Variants in RYR2 observed in about 807,000 individuals in gnomAD.
RYR2 encodes the protein cardiac muscle ryanodine receptor-calcium release channel.
In RYR2, 227 loss-of-function variants were observed where a neutral mutation model predicts 601.1. The observed-to-expected ratio is 0.38, with a 90% CI of 0.34 to 0.42. The LOEUF is 0.42. RYR2 is among the 10% of genes least tolerant of loss of function. The pLI, the probability that RYR2 is intolerant of heterozygous loss-of-function variation, is 1.00. For synonymous variants in RYR2, 2,223 were observed against 2,175.1 expected (o/e 1.02, Z -0.61); for missense variants, 4,646 against 6,156.5 (o/e 0.75, Z 8.21).
At chr1:237,373,243 G>C (rs1700777790) in intron 6 of RYR2, among the ~76,000 whole-genome samples, 1 of 152,170 alleles carries the variant, frequency 6.6e-6, no homozygotes, top group South Asian at 2.1e-4. Flanking sequence ...AACAAGTTTA[G>C]GGACCCTGGG....
intron 2 of RYR2, among the ~76,000 whole-genome samples, chr1:237,293,255 G>A (rs1692424851): frequency 6.6e-6 from 1 of 152,102 alleles, no homozygotes; most frequent in Admixed American, 6.5e-5. Context: ...TGCCCATGAT[G>A]GAGTGCAGTG....
intron 24 of RYR2, among the ~76,000 whole-genome samples, chr1:237,520,409 T>C (rs1166402221): frequency 6.6e-6 from 1 of 152,196 alleles, no homozygotes; most frequent in Non-Finnish European, 1.5e-5. Context: ...GTTTTCAACT[T>C]TCCCCATTCA....
intron 50 of RYR2, 66 bp downstream of exon 50, chr1:237,650,163 G>C: frequency 7.0e-7 from 1 of 1,420,210 alleles, no homozygotes; most frequent in Non-Finnish European, 9.8e-7. Context: ...TGTGGCCTTT[G>C]ACAAATTATT....
At chr1:237,104,321 G>A (rs1668438097) in intron 1 of RYR2, among the ~76,000 whole-genome samples, 1 of 152,100 alleles carries the variant, frequency 6.6e-6, no homozygotes, top group South Asian at 2.1e-4. Flanking sequence ...GCCCTGCCAA[G>A]GACGTTTCCT....
intron 1 of RYR2, among the ~76,000 whole-genome samples, chr1:237,238,641 G>A (rs1336808320): frequency 2.0e-5 from 3 of 152,144 alleles, no homozygotes; most frequent in East Asian, 1.9e-4. Context: ...ATGAAGAGCC[G>A]TGATGAGGAC....
chr1:237,676,145 G>A (rs908642282), intron 60 of RYR2, among the ~76,000 whole-genome samples: 9 of 152,082 alleles, frequency 5.9e-5, no homozygotes, highest in African/African-American at 9.7e-5. Flanking sequence ...TCCGATATGC[G>A]TAGCAACTCC....
chr1:237,456,017 T>A (rs985211512), intron 15 of RYR2, among the ~76,000 whole-genome samples: 1 of 152,172 alleles, frequency 6.6e-6, no homozygotes, highest in Admixed American at 6.5e-5. Context: ...AAATTCTGTG[T>A]GAAATAAGTT....
chr1:237,141,045 A>G (rs534830461), intron 1 of RYR2, among the ~76,000 whole-genome samples: 1 of 152,364 alleles, frequency 6.6e-6, no homozygotes, highest in South Asian at 2.1e-4. Context: ...TCATTCTGCA[A>G]TGCACAATCT....
At chr1:237,157,061 C>T (rs1463007535) in intron 1 of RYR2, among the ~76,000 whole-genome samples, 2 of 151,812 alleles carry the variant, frequency 1.3e-5, no homozygotes, top group African/African-American at 2.4e-5. Flanking sequence ...TTTGGGAGGC[C>T]GAGGCGGGTG....
At chr1:237,531,557 C>T (rs1019321311) in intron 25 of RYR2, among the ~76,000 whole-genome samples, 2 of 152,094 alleles carry the variant, frequency 1.3e-5, no homozygotes, top group African/African-American at 4.8e-5. Context: ...TATCAGTCAC[C>T]TCAGGCCTCA....
chr1:237,149,752 C>G (rs1281524501), intron 1 of RYR2, among the ~76,000 whole-genome samples: 2 of 152,174 alleles, frequency 1.3e-5, no homozygotes, highest in African/African-American at 4.8e-5. Context: ...TATAGCTTAT[C>G]ATTGGCTATC....
intron 76 of RYR2, 95 bp downstream of exon 76, chr1:237,727,294 C>A: frequency 2.0e-6 from 1 of 489,274 alleles, no homozygotes; most frequent in South Asian, 5.7e-5. Flanking sequence ...GTACAATAGT[C>A]CAAGAGAAGG....
intron 1 of RYR2, among the ~76,000 whole-genome samples, chr1:237,229,834 G>A (rs1684785201): frequency 6.6e-6 from 1 of 152,152 alleles, no homozygotes; most frequent in African/African-American, 2.4e-5. Flanking sequence ...ATCTCCATGG[G>A]TTCTAAACAT....
At chr1:237,272,208 C>T (rs773766307) in intron 2 of RYR2, among the ~76,000 whole-genome samples, 14 of 152,112 alleles carry the variant, frequency 9.2e-5, no homozygotes, top group Non-Finnish European at 1.9e-4. Context: ...CTGGAGTAAC[C>T]TTGGCCCTAT....
At chr1:237,498,316 C>T (rs1664286406) in intron 20 of RYR2, among the ~76,000 whole-genome samples, 2 of 152,086 alleles carry the variant, frequency 1.3e-5, no homozygotes, top group Non-Finnish European at 2.9e-5. Flanking sequence ...CCTGTGCCAG[C>T]CAGACCATAG....
chr1:237,075,265 G>A (rs899585803), intron 1 of RYR2, among the ~76,000 whole-genome samples: 6 of 152,010 alleles, frequency 3.9e-5, no homozygotes, highest in African/African-American at 9.7e-5. Flanking sequence ...GAAAGTCTGC[G>A]GGAGGAGCCA....
At chr1:237,508,877 G>A (rs558511936) in intron 23 of RYR2, among the ~76,000 whole-genome samples, 210 of 150,252 alleles carry the variant, frequency 1.4e-3, no homozygotes, top group Non-Finnish European at 1.9e-3. Flanking sequence ...CGAGTAGCTG[G>A]GACTACAGGC....
intron 29 of RYR2, among the ~76,000 whole-genome samples, chr1:237,578,268 A>G (rs2148347327): frequency 6.6e-6 from 1 of 151,280 alleles, no homozygotes; most frequent in African/African-American, 2.4e-5. Context: ...GCACAAGTGG[A>G]TGAAATGAGA....
intron 1 of RYR2, among the ~76,000 whole-genome samples, chr1:237,174,993 C>T (rs7547032): frequency 0.51 from 78,041 of 152,000 alleles, 20,521 homozygotes; most frequent in East Asian, 0.63. Flanking sequence ...AGATTTTAAG[C>T]GTGTTATTAT....
Sources: gnomAD v4.1 joint callset for allele counts (sites outside exome capture counted in the v4.1 genomes callset) on GRCh38, gnomAD v4.1.1 for gene constraint, MANE v1.5 for transcripts, NCBI Gene and HGNC (gene_info 2026-07-23, HGNC 2026-07-21) for gene names.